The following ULK4 variants were observed in gnomAD, a reference collection of about 807,000 sequenced individuals.
ULK4 encodes the protein inactive serine/threonine-protein kinase ULK4.
A neutral mutation model predicts 160.6 loss-of-function variants in ULK4; 133 were observed. The observed-to-expected ratio is 0.83, with a 90% CI of 0.72 to 0.96. The LOEUF (loss-of-function observed/expected upper bound fraction) is 0.96, where lower values mean the gene tolerates loss of function less well. Among genes scored for constraint, ULK4 ranks in the 40% least tolerant of loss-of-function variants. The probability of loss-of-function intolerance (pLI) is 0.00; values close to 1 mark genes in which losing one functional copy is unlikely to be tolerated. For synonymous variants in ULK4, 534 were observed against 539.8 expected (o/e 0.99, Z 0.15); for missense variants, 1,580 against 1,499.5 (o/e 1.05, Z -0.89).
intron 19 of ULK4, among the ~76,000 whole-genome samples, chr3:41,806,128 T>C (rs2040634903): frequency 6.8e-6 from 1 of 146,970 alleles, no homozygotes; most frequent in Admixed American, 6.8e-5. Flanking sequence ...CTCTTTTTCG[T>C]TGGTAAGCTA....
intron 35 of ULK4, among the ~76,000 whole-genome samples, chr3:41,350,907 C>G (rs2080896207): frequency 1.3e-5 from 2 of 152,184 alleles, no homozygotes; most frequent in Admixed American, 1.3e-4. Context: ...TTCTACCAAC[C>G]TCTTCTAGAA....
At chr3:41,440,212 G>A (rs1329931490) in intron 34 of ULK4, among the ~76,000 whole-genome samples, 2 of 152,012 alleles carry the variant, frequency 1.3e-5, no homozygotes, top group Non-Finnish European at 2.9e-5. Context: ...TGATTGCACT[G>A]GCAGGGACCT....
At chr3:41,740,341 G>A (rs535576249) in intron 22 of ULK4, among the ~76,000 whole-genome samples, 2 of 151,840 alleles carry the variant, frequency 1.3e-5, no homozygotes, top group African/African-American at 4.8e-5. Context: ...AAAAACTCTA[G>A]GAAAATCTGA....
At position 41,326,039 on chromosome 3, in the gene ULK4, T is replaced by C. The variant is rs567026021; in HGVS notation, c.3678+72040A>G. On this transcript the variant is annotated intron_variant, in intron 35 of 36. Coordinates refer to ENST00000301831, the MANE Select transcript of ULK4 (RefSeq NM_017886.4). ...ATGTATGATAAAATAAAATCAGGTCTTTATCATATCCCAGGAAAAATCACT... is the reference window on the plus strand; with the variant it reads ...ATGTATGATAAAATAAAATCAGGTCCTTATCATATCCCAGGAAAAATCACT... Among the ~76,000 whole-genome samples, 109 of 152,282 alleles carry C rather than the reference T, an allele frequency of 7.2e-4. 2 individuals are homozygous for C. The South Asian group carries it at 0.022, about 30-fold the overall frequency.
chr3:41,767,337 G>A (rs2039200812), intron 21 of ULK4, among the ~76,000 whole-genome samples: 1 of 152,000 alleles, frequency 6.6e-6, no homozygotes, highest in Admixed American at 6.6e-5. Context: ...GAATTTATCT[G>A]AATTTGATTT....
intron 9 of ULK4, among the ~76,000 whole-genome samples, chr3:41,912,493 A>G (rs1698823976): frequency 6.6e-6 from 1 of 152,198 alleles, no homozygotes; most frequent in Non-Finnish European, 1.5e-5. Context: ...TCACATGACC[A>G]CACCTAACAT....
intron 16 of ULK4, among the ~76,000 whole-genome samples, chr3:41,892,722 G>A (rs555296326): frequency 1.3e-5 from 2 of 152,196 alleles, no homozygotes; most frequent in Non-Finnish European, 2.9e-5. Context: ...CTCCCAGATA[G>A]TTATCAAGGA....
chr3:41,489,703 C>T (rs1246427389), intron 32 of ULK4, among the ~76,000 whole-genome samples: 2 of 152,124 alleles, frequency 1.3e-5, no homozygotes, highest in African/African-American at 4.8e-5. Flanking sequence ...AGCACTAACA[C>T]ACTCTAAGAT....
At chr3:41,437,864 AAGTCCTTTT>A (rs1484482538) in intron 34 of ULK4, among the ~76,000 whole-genome samples, 2 of 152,130 alleles carry the variant, frequency 1.3e-5, no homozygotes, top group Admixed American at 1.3e-4. Flanking sequence ...TTCTGTTTAC[AAGTCCTTTT>A]AGTCCTTTTA....
chr3:41,940,697 T>A (rs905718614), intron 2 of ULK4, among the ~76,000 whole-genome samples: 9 of 152,078 alleles, frequency 5.9e-5, no homozygotes, highest in Non-Finnish European at 1.2e-4. Flanking sequence ...TTATTTTCTA[T>A]TCAATAAATA....
At chr3:41,275,754 C>G (rs1317911575) in intron 35 of ULK4, among the ~76,000 whole-genome samples, 1 of 152,190 alleles carries the variant, frequency 6.6e-6, no homozygotes, top group East Asian at 1.9e-4. Context: ...TACTTAGAAT[C>G]TTTCTAACAT....
intron 32 of ULK4, among the ~76,000 whole-genome samples, chr3:41,559,956 A>G (rs985097607): frequency 2.3e-4 from 35 of 152,216 alleles, no homozygotes; most frequent in African/African-American, 7.9e-4. Flanking sequence ...CCTATGTCCT[A>G]AATGGTATTG....
At chr3:41,306,706 G>A (rs2079947364) in intron 35 of ULK4, among the ~76,000 whole-genome samples, 1 of 152,106 alleles carries the variant, frequency 6.6e-6, no homozygotes, top group Non-Finnish European at 1.5e-5. Flanking sequence ...GAATAGAAAA[G>A]GGGGAAAGGT....
At chr3:41,821,240 T>A (rs867162101) in intron 18 of ULK4, among the ~76,000 whole-genome samples, 1 of 152,206 alleles carries the variant, frequency 6.6e-6, no homozygotes, top group Non-Finnish European at 1.5e-5. Context: ...TCTCTAAGTC[T>A]GCTCTCAGAC....
At chr3:41,751,176 G>T (rs976499114) in intron 22 of ULK4, among the ~76,000 whole-genome samples, 2 of 152,044 alleles carry the variant, frequency 1.3e-5, no homozygotes, top group South Asian at 2.1e-4. Flanking sequence ...GTGTGGCAAA[G>T]AAGCAGGTAT....
At chr3:41,590,933 T>G (rs1447214985) in intron 31 of ULK4, among the ~76,000 whole-genome samples, 2 of 151,988 alleles carry the variant, frequency 1.3e-5, no homozygotes. Context: ...GTTGAAGAAT[T>G]TTTTATTTGA....
chr3:41,735,869 G>A (rs2038021908), intron 22 of ULK4, among the ~76,000 whole-genome samples: 1 of 114,308 alleles, frequency 8.7e-6, no homozygotes, highest in Non-Finnish European at 1.6e-5. Context: ...AGTCCCCAGA[G>A]TGTGATGTTC....
chr3:41,819,254 T>C (rs551151458), intron 19 of ULK4, among the ~76,000 whole-genome samples, 169 bp downstream of exon 19: 15 of 152,318 alleles, frequency 9.8e-5, no homozygotes, highest in African/African-American at 3.6e-4. Context: ...ATTTTTACAC[T>C]TGCTCCACTG....
intron 35 of ULK4, among the ~76,000 whole-genome samples, chr3:41,386,179 C>G (rs75915789): frequency 6.6e-6 from 1 of 152,116 alleles, no homozygotes; most frequent in Non-Finnish European, 1.5e-5. Flanking sequence ...TCCACTCTTG[C>G]GGATTTAGCT....
Sources: allele counts gnomAD v4.1 joint callset (sites outside exome capture counted in the v4.1 genomes callset), GRCh38; gene constraint gnomAD v4.1.1; transcripts MANE v1.5; gene names NCBI Gene and HGNC (gene_info 2026-07-23, HGNC 2026-07-21).